DOCK2: variants seen among roughly 807,000 people sequenced by gnomAD.
DOCK2 encodes dedicator of cytokinesis 2, also known as dedicator of cytokinesis protein 2.
In DOCK2, 87 loss-of-function variants were observed where a neutral mutation model predicts 248.9. That is an observed-to-expected ratio of 0.35 (90% CI 0.29 to 0.42). The LOEUF (loss-of-function observed/expected upper bound fraction) is 0.42, where lower values mean the gene tolerates loss of function less well. Among genes scored for constraint, DOCK2 ranks in the 10% least tolerant of loss-of-function variants. The pLI is 1.00. For missense variants in DOCK2, 1,747 were observed against 2,300.2 expected (o/e 0.76, Z 4.92); for synonymous variants, 805 against 821.6 (o/e 0.98, Z 0.35).
At chr5:169,831,900 A>C (rs949360241) in intron 26 of DOCK2, among the ~76,000 whole-genome samples, 2 of 152,214 alleles carry the variant, frequency 1.3e-5, no homozygotes, top group South Asian at 2.1e-4. Flanking sequence ...AGTTAATGGC[A>C]ACTTCATTAG....
intron 27 of DOCK2, among the ~76,000 whole-genome samples, chr5:169,978,403 G>T (rs1413795467): frequency 6.7e-5 from 9 of 133,366 alleles, no homozygotes; most frequent in African/African-American, 1.1e-4. Context: ...GGGGGGGGGG[G>T]GGTGTAGGTG....
intron 25 of DOCK2, among the ~76,000 whole-genome samples, chr5:169,797,725 G>T (rs1235969058): frequency 6.6e-6 from 1 of 152,196 alleles, no homozygotes; most frequent in Non-Finnish European, 1.5e-5. Context: ...GCCTGGGTGT[G>T]CAGGTCTCTG....
intron 25 of DOCK2, among the ~76,000 whole-genome samples, chr5:169,784,284 T>C (rs1206947795): frequency 6.6e-6 from 1 of 152,182 alleles, no homozygotes; most frequent in Non-Finnish European, 1.5e-5. Flanking sequence ...TGATGATATT[T>C]TTGAACATGT....
rs1214631326 is a variant in DOCK2 at position 169,700,001 on chromosome 5, T to C, written c.1133-13T>C. ...CAAAAGTGGGCTCTTCACGGTGAGCTGTTCCTTTGCAGGCCTCTGGGTGAC... is the reference window on the plus strand; with the variant it reads ...CAAAAGTGGGCTCTTCACGGTGAGCCGTTCCTTTGCAGGCCTCTGGGTGAC... On this transcript the variant is annotated splice_polypyrimidine_tract_variant and intron_variant, in intron 12 of 51. Coordinates refer to ENST00000520908, the MANE Select transcript of DOCK2 (RefSeq NM_004946.3). 6.2e-6 allele frequency: 10 copies of C among 1,613,126 alleles called. No homozygotes were observed. The highest frequency in any genetic ancestry group is 1.3e-5 in the African/African-American group (1 of 74,894).
At position 169,880,945 on chromosome 5, in the gene DOCK2, T is replaced by C. The variant is rs115232382; in HGVS notation, c.2799+40093T>C. The stretch of plus-strand genomic sequence containing the variant: ...AAGTAAGGGCTTGGCATAGCATAGC[T>C]ACTGTTGAGGAAGAGGCAGTGTGGT... On this transcript the variant is annotated intron_variant, in intron 27 of 51. Coordinates refer to ENST00000520908, the MANE Select transcript of DOCK2 (RefSeq NM_004946.3). Among the ~76,000 whole-genome samples, 819 of 152,326 alleles carry C rather than the reference T, an allele frequency of 5.4e-3. 9 individuals carry two copies. Among genetic ancestry groups the C allele is most frequent in the African/African-American group, 0.019 (797 of 41,560 alleles).
chr5:169,741,187 T>A (rs1763284914), intron 22 of DOCK2, among the ~76,000 whole-genome samples: 1 of 152,194 alleles, frequency 6.6e-6, no homozygotes, highest in Admixed American at 6.5e-5. Context: ...ATTTCTTATT[T>A]ATTTCAGGTC....
chr5:169,980,685 G>A (rs1415618431), intron 27 of DOCK2: 1 of 152,198 alleles, frequency 6.6e-6, no homozygotes, highest in East Asian at 1.9e-4. Context: ...CTGGCTGGAG[G>A]TAGAAACGAG....
At chr5:169,974,950 G>C (rs1288489177) in intron 27 of DOCK2, among the ~76,000 whole-genome samples, 1 of 152,050 alleles carries the variant, frequency 6.6e-6, no homozygotes. Context: ...TGGCAAGCAG[G>C]CTTCTCAGGT....
rs1268827984 is a variant in DOCK2, at chr5:169,764,007, A to G, written c.2554+2382A>G. ...TTAAATCCTCAAGTTCCCAATGAAT[A>G]AAACCTGAATTCATTATGCTTACTA... On this transcript the variant is annotated intron_variant, in intron 25 of 51. Coordinates refer to ENST00000520908, the MANE Select transcript of DOCK2 (RefSeq NM_004946.3). The surrounding 1 kb of genome is among the most constrained non-coding windows in gnomAD (Gnocchi z 4.3). 6.6e-6 allele frequency among the ~76,000 whole-genome samples: 1 copy of G among 152,200 alleles called. No homozygotes were observed. Among genetic ancestry groups the G allele is most frequent in the East Asian group, 1.9e-4 (1 of 5,194 alleles).
rs555352604 is a variant in DOCK2, at chr5:169,648,047, T to A, written c.44-6356T>A. On this transcript the variant is annotated intron_variant, in intron 1 of 51. Coordinates refer to ENST00000520908, the MANE Select transcript of DOCK2 (RefSeq NM_004946.3). Reference sequence around the variant, plus strand: ...AACTCTCTTCCAACTCTGTAGTGTGTGTGTGCATGTGTGAGTGCAAGAGTG... The same window carrying A: ...AACTCTCTTCCAACTCTGTAGTGTGAGTGTGCATGTGTGAGTGCAAGAGTG... 8.5e-5 allele frequency among the ~76,000 whole-genome samples: 13 copies of A among 152,262 alleles called. No individual in the cohort carries two copies. The East Asian group carries it at 2.5e-3, about 29-fold the overall frequency.
intron 27 of DOCK2, among the ~76,000 whole-genome samples, chr5:169,855,184 A>G (rs1770823548): frequency 1.3e-5 from 2 of 152,232 alleles, no homozygotes; most frequent in African/African-American, 2.4e-5. Context: ...TGAAGAATAA[A>G]TGAGATAATG....
chr5:169,702,661 C>T, intron 14 of DOCK2: 1 of 383,854 alleles, frequency 2.6e-6, no homozygotes, highest in African/African-American at 2.1e-5. Flanking sequence ...TTTCCTTTCA[C>T]AACTTCTTCT....
At chr5:169,807,644 A>C (rs916170255) in intron 26 of DOCK2, among the ~76,000 whole-genome samples, 2 of 151,932 alleles carry the variant, frequency 1.3e-5, no homozygotes, top group Non-Finnish European at 2.9e-5. Flanking sequence ...CATCCTGGCT[A>C]ATACGGTGAA....
intron 26 of DOCK2, among the ~76,000 whole-genome samples, chr5:169,820,167 A>G (rs77172858): frequency 6.6e-6 from 1 of 152,256 alleles, no homozygotes; most frequent in Non-Finnish European, 1.5e-5. Flanking sequence ...GGAGGCCTGC[A>G]TGCCTCTGTA....
intron 25 of DOCK2, among the ~76,000 whole-genome samples, chr5:169,799,322 C>T (rs1468020072): frequency 6.6e-6 from 1 of 152,110 alleles, no homozygotes; most frequent in African/African-American, 2.4e-5. Flanking sequence ...CAATTTTTAT[C>T]TTCTGGTTGG....
At chr5:169,792,879 CT>C (rs1334900196) in intron 25 of DOCK2, among the ~76,000 whole-genome samples, 1 of 152,118 alleles carries the variant, frequency 6.6e-6, no homozygotes, top group Non-Finnish European at 1.5e-5. Context: ...GCTGGATTGG[CT>C]TTTTATTTTT....
chr5:169,962,047 A>G (rs991152638), intron 27 of DOCK2, among the ~76,000 whole-genome samples: 3 of 151,908 alleles, frequency 2.0e-5, no homozygotes, highest in Admixed American at 1.3e-4. Context: ...AACTTGTCCA[A>G]CTTGGAGAAA....
At chr5:169,903,924 G>T (rs988972334) in intron 27 of DOCK2, among the ~76,000 whole-genome samples, 1 of 151,784 alleles carries the variant, frequency 6.6e-6, no homozygotes, top group African/African-American at 2.4e-5. Flanking sequence ...ACATGGCGAA[G>T]CTCTGCCTCT....
At chr5:170,028,022 G>A (rs1755982776) in intron 34 of DOCK2, 74 bp downstream of exon 34, 1 of 1,345,224 alleles carries the variant, frequency 7.4e-7, no homozygotes, top group South Asian at 1.5e-5. Flanking sequence ...AACTCCAGGG[G>A]GCTCCGAGTG....
Sources: gnomAD v4.1 joint callset for allele counts (sites outside exome capture counted in the v4.1 genomes callset) on GRCh38, gnomAD v4.1.1 for gene constraint, Gnocchi (gnomAD v3.1) non-coding constraint, MANE v1.5 for transcripts, NCBI Gene and HGNC (gene_info 2026-07-23, HGNC 2026-07-21) for gene names.